The following CCDC30 variants were observed in gnomAD, a reference collection of about 807,000 sequenced individuals.
CCDC30 encodes the protein coiled-coil domain-containing protein 30.
CCDC30 carries 70 observed loss-of-function variants against 100.2 expected under a neutral mutation model. The ratio of observed to expected loss-of-function variants is 0.70; its 90% CI spans 0.58 to 0.85. The LOEUF (loss-of-function observed/expected upper bound fraction) is 0.85. Ranked by LOEUF, CCDC30 falls within the 40% of genes least tolerant of loss-of-function variation. The probability of loss-of-function intolerance (pLI) is 0.00; values close to 1 mark genes in which losing one functional copy is unlikely to be tolerated. For synonymous variants in CCDC30, 233 were observed against 269.5 expected (o/e 0.86, Z 1.33); for missense variants, 652 against 771.2 (o/e 0.85, Z 1.83).
At position 42,490,236 on chromosome 1, in the gene CCDC30, C is replaced by T; in HGVS notation, c.241+7C>T. ...GTAAAGCTGAAAGAAAATGGTAAGT[C>T]ATTCTAGAAGATATGATGATTATTA... On this transcript the variant is annotated splice_region_variant and intron_variant, in intron 4 of 16. Coordinates refer to ENST00000668663, the Ensembl canonical transcript of CCDC30. The T allele has an allele frequency of 1.7e-6, 2 of 1,152,682 alleles. No homozygotes were observed. Among genetic ancestry groups the T allele is most frequent in the Non-Finnish European group, 2.2e-6 (2 of 914,542 alleles). 71.4% of individuals were successfully genotyped at this position (1,152,682 alleles called of 1,614,324 possible).
intron 15 of CCDC30, among the ~76,000 whole-genome samples, chr1:42,647,444 A>T (rs1205214471): frequency 6.6e-6 from 1 of 152,228 alleles, no homozygotes; most frequent in Non-Finnish European, 1.5e-5. Context: ...TATAAGGCTA[A>T]CATTAATAGA....
chr1:42,603,452 C>T (rs932738755), intron 10 of CCDC30, among the ~76,000 whole-genome samples: 5 of 152,092 alleles, frequency 3.3e-5, no homozygotes, highest in African/African-American at 1.2e-4. Context: ...ATGGCAAATG[C>T]GTAAAAAGGA....
At chr1:42,597,031 A>G (rs184519707) in intron 10 of CCDC30, among the ~76,000 whole-genome samples, 81 of 148,202 alleles carry the variant, frequency 5.5e-4, no homozygotes, top group African/African-American at 1.9e-3. Context: ...TGGTGGGCTT[A>G]TTAATAGACT....
At chr1:42,593,323 A>T (rs1354114554) in intron 10 of CCDC30, 1 of 152,204 alleles carries the variant, frequency 6.6e-6, no homozygotes, top group East Asian at 1.9e-4. Flanking sequence ...TTATAAAAGG[A>T]CACAACTCAG....
In CCDC30 at chr1:42,517,062, G is replaced by A. The variant is rs116339144; in HGVS notation, c.456+18146G>A. Among the ~76,000 whole-genome samples, 1,198 of 152,184 alleles carry A rather than the reference G, an allele frequency of 7.9e-3. 21 individuals carry two copies. The highest frequency in any genetic ancestry group is 0.027 in the African/African-American group (1,120 of 41,520). On this transcript the variant is annotated intron_variant, in intron 6 of 16. Coordinates refer to ENST00000668663, the Ensembl canonical transcript of CCDC30. The stretch of plus-strand genomic sequence containing the variant: ...AATATTTTCTCCTACTTTGTAGGTT[G>A]CCTTTCTACTTTGTTGACAGTGTTA...
chr1:42,543,418 T>C (rs1392739561), intron 6 of CCDC30, among the ~76,000 whole-genome samples: 1 of 152,026 alleles, frequency 6.6e-6, no homozygotes, highest in African/African-American at 2.4e-5. Context: ...ACCTCACAGG[T>C]TCAAGTGATT....
chr1:42,517,702 A>G (rs1644576938), intron 6 of CCDC30, among the ~76,000 whole-genome samples: 1 of 152,182 alleles, frequency 6.6e-6, no homozygotes, highest in African/African-American at 2.4e-5. Flanking sequence ...CTCTTGTTGA[A>G]AATCATTCAA....
At chr1:42,567,045 T>G (rs1481214195) in intron 7 of CCDC30, among the ~76,000 whole-genome samples, 1 of 152,216 alleles carries the variant, frequency 6.6e-6, no homozygotes, top group Non-Finnish European at 1.5e-5. Context: ...GGTTCAATTC[T>G]GTAAATATAC....
At chr1:42,527,711 C>T (rs985614086) in intron 6 of CCDC30, among the ~76,000 whole-genome samples, 3 of 152,038 alleles carry the variant, frequency 2.0e-5, no homozygotes, top group Non-Finnish European at 4.4e-5. Context: ...ATCTCACTAA[C>T]CTCCCATTCT....
At chr1:42,467,729 T>C (rs893822712) in intron 1 of CCDC30, 3 of 152,258 alleles carry the variant, frequency 2.0e-5, no homozygotes, top group African/African-American at 7.2e-5. Context: ...GCCATATTTG[T>C]ACCTCTACTT....
chr1:42,509,803 A>G (rs1298666553), intron 6 of CCDC30, among the ~76,000 whole-genome samples: 3 of 152,180 alleles, frequency 2.0e-5, no homozygotes, highest in African/African-American at 7.2e-5. Flanking sequence ...TTAACAGAGA[A>G]TATAAACAGT....
At chr1:42,655,518 G>T (rs372617691), downstream of CCDC30, among the ~76,000 whole-genome samples, 10 of 152,214 alleles carry the variant, frequency 6.6e-5, 1 homozygote, top group African/African-American at 2.2e-4. Flanking sequence ...GTGCACTCCA[G>T]CCTGGGTGAC....
chr1:42,528,251 C>T (rs1268252269), intron 6 of CCDC30, among the ~76,000 whole-genome samples: 1 of 152,132 alleles, frequency 6.6e-6, no homozygotes, highest in Non-Finnish European at 1.5e-5. Context: ...AAGTTGTCTT[C>T]CAAAAGAGAA....
chr1:42,560,143 T>C (rs988643480), intron 6 of CCDC30, among the ~76,000 whole-genome samples: 4 of 151,972 alleles, frequency 2.6e-5, no homozygotes, highest in Non-Finnish European at 5.9e-5. Context: ...GCTAAAGCAG[T>C]GGTAAGAGGG....
intron 7 of CCDC30, among the ~76,000 whole-genome samples, chr1:42,576,749 G>A (rs1464094370): frequency 1.3e-5 from 2 of 152,220 alleles, no homozygotes; most frequent in African/African-American, 4.8e-5. Context: ...CACTGGAGTA[G>A]TGGGGATGAA....
chr1:42,566,182 C>A (rs2148564858), intron 6 of CCDC30, 114 bp from the exon 11 acceptor site: 1 of 773,680 alleles, frequency 1.3e-6, no homozygotes, highest in Non-Finnish European at 2.1e-6. Context: ...ACTCCAAAAA[C>A]ATTTACATGT....
chr1:42,587,573 A>C (rs1390028506), intron 9 of CCDC30, among the ~76,000 whole-genome samples: 1 of 152,224 alleles, frequency 6.6e-6, no homozygotes, highest in African/African-American at 2.4e-5. Flanking sequence ...ACTTACATCC[A>C]AGAAACATAA....
At chr1:42,608,428 A>G (rs1486586887) in intron 10 of CCDC30, among the ~76,000 whole-genome samples, 1 of 152,228 alleles carries the variant, frequency 6.6e-6, no homozygotes, top group Non-Finnish European at 1.5e-5. Context: ...CTGGCCGGGC[A>G]CTGTGGCTCA....
At chr1:42,652,396 T>C (rs774868779) in intron 15 of CCDC30, among the ~76,000 whole-genome samples, 33 of 152,214 alleles carry the variant, frequency 2.2e-4, no homozygotes, top group Non-Finnish European at 3.7e-4. Context: ...AGGTGATGGA[T>C]ATGTTAATTA....
Sources: gnomAD v4.1 joint callset for allele counts (sites outside exome capture counted in the v4.1 genomes callset) on GRCh38, gnomAD v4.1.1 for gene constraint, MANE v1.5 for transcripts, NCBI Gene and HGNC (gene_info 2026-07-23, HGNC 2026-07-21) for gene names.